Variants in NNT observed in about 807,000 individuals in gnomAD.
The protein encoded by NNT is NAD(P) transhydrogenase, mitochondrial.
A neutral mutation model predicts 104.8 loss-of-function variants in NNT; 50 were observed. The observed-to-expected ratio is 0.48, with a 90% CI of 0.38 to 0.60. The LOEUF (loss-of-function observed/expected upper bound fraction) is 0.60. Ranked by LOEUF, NNT falls within the 20% of genes least tolerant of loss-of-function variation. NNT has a pLI of 0.00. For synonymous variants in NNT, 461 were observed against 490.4 expected (o/e 0.94, Z 0.79); for missense variants, 1,131 against 1,330.7 (o/e 0.85, Z 2.33).
chr5:43,620,877 T>C (rs1056147103), intron 5 of NNT, among the ~76,000 whole-genome samples: 1 of 152,214 alleles, frequency 6.6e-6, no homozygotes, highest in Admixed American at 6.5e-5. Context: ...TCTTTCTAGA[T>C]ATATGTGGAA....
chr5:43,677,953 C>T (rs1741510020), intron 19 of NNT, 147 bp downstream of exon 19: 9 of 581,148 alleles, frequency 1.5e-5, no homozygotes, highest in Non-Finnish European at 2.4e-5. Context: ...TTTGACTCTC[C>T]AAAAACTTAC....
Position 43,659,073 on chromosome 5 carries a change from A to G in NNT, c.2455-98A>G. ...AGTGGAACTTATATGTAAATATATT[A>G]ATGGGAAAACTAGAATAATTAAGGA... is the stretch of plus-strand genomic sequence containing the variant. On this transcript the variant is annotated intron_variant, in intron 16 of 21. Coordinates refer to ENST00000344920, the MANE Select transcript of NNT (RefSeq NM_182977.3). 5.0e-6 allele frequency: 6 copies of G among 1,207,004 alleles called. No homozygotes were observed. In the South Asian group the frequency reaches 9.8e-5, roughly 20 times the overall value. The allele number at this position is 1,207,004 out of a possible 1,614,324, so 74.8% of individuals were successfully genotyped here. A position where few individuals can be genotyped will look rare whatever the true frequency, so the allele number is the denominator to read the frequency against.
chr5:43,704,293 T>A lies in NNT; in HGVS notation c.3150T>A (p.Ala1050=). ...AGAGGTCTTTGGGTGTTGGCTATGCTGCAGTGGACAATCCAATCTTCTACA... is the reference window on the plus strand; with the variant it reads ...AGAGGTCTTTGGGTGTTGGCTATGCAGCAGTGGACAATCCAATCTTCTACA... ...VMKRSLGVGY[A]AVDNPIFYKP... is the part of the protein sequence containing the mutation. Residue 1050 remains alanine, a synonymous_variant, in exon 22 of 22, where the codon GCT becomes GCA. Coordinates refer to ENST00000344920, the MANE Select transcript of NNT (RefSeq NM_182977.3). 9 of 1,604,118 alleles carry A rather than the reference T, an allele frequency of 5.6e-6. No individual in the cohort carries two copies. Among genetic ancestry groups the A allele is most frequent in the Non-Finnish European group, 7.7e-6 (9 of 1,176,190 alleles).
chr5:43,605,772 T>G (rs1749191499), intron 1 of NNT, among the ~76,000 whole-genome samples: 1 of 152,184 alleles, frequency 6.6e-6, no homozygotes, highest in Admixed American at 6.5e-5. Context: ...TTAGACTTAG[T>G]GATATGTATT....
In NNT at chr5:43,666,898, A is replaced by G. The variant is rs566111754; in HGVS notation, c.2634+7548A>G. 296 of 1,562,882 alleles carry G rather than the reference A, an allele frequency of 1.9e-4. 3 individuals carry two copies. In the Admixed American group the frequency reaches 4.8e-3, roughly 25 times the overall value. Reference sequence around the variant, plus strand: ...CCAGCACAGCCTGGGCCCCTTGGCAATACAGGCACAAACACGCTTCCCAAG... The same window carrying G: ...CCAGCACAGCCTGGGCCCCTTGGCAGTACAGGCACAAACACGCTTCCCAAG... On this transcript the variant is annotated intron_variant, in intron 17 of 21. Coordinates refer to ENST00000344920, the MANE Select transcript of NNT (RefSeq NM_182977.3).
intron 19 of NNT, among the ~76,000 whole-genome samples, chr5:43,697,377 A>G (rs961873232): frequency 2.6e-5 from 4 of 152,132 alleles, no homozygotes; most frequent in African/African-American, 9.7e-5. Flanking sequence ...CATTGTCCAT[A>G]ACGTTATCAG....
chr5:43,652,633 A>G (rs1156682358), intron 13 of NNT, among the ~76,000 whole-genome samples: 99 of 152,050 alleles, frequency 6.5e-4, no homozygotes, highest in Non-Finnish European at 7.4e-5. Flanking sequence ...AAAATATGCA[A>G]CTTCTTTAAG....
chr5:43,624,012 T>G lies in NNT; in HGVS notation c.688-20T>G, dbSNP rs779669302. The G allele has an allele frequency of 1.2e-6, 2 of 1,612,426 alleles. No homozygotes were observed. The highest frequency in any genetic ancestry group is 1.7e-6 in the Non-Finnish European group (2 of 1,178,474). ...TTAGTTGATAATGAGCCTTAACACATAACTGGGTCTGTCTTCTAGATTCTG... is the reference window on the plus strand; with the variant it reads ...TTAGTTGATAATGAGCCTTAACACAGAACTGGGTCTGTCTTCTAGATTCTG... On this transcript the variant is annotated intron_variant, in intron 5 of 21. Transcript: ENST00000344920.
intron 2 of NNT, among the ~76,000 whole-genome samples, chr5:43,611,808 T>C (rs552252049): frequency 2.6e-5 from 4 of 152,306 alleles, no homozygotes; most frequent in African/African-American, 9.6e-5. Flanking sequence ...ACAGATACTC[T>C]TCATTAAAAA....
intron 11 of NNT, among the ~76,000 whole-genome samples, chr5:43,650,053 A>T (rs550529321): frequency 2.9e-4 from 44 of 152,354 alleles, no homozygotes; most frequent in Middle Eastern, 3.4e-3. Flanking sequence ...AAAGCTAGGC[A>T]TCCCCAGCAG....
At chr5:43,666,069 C>T (rs904204449) in intron 17 of NNT, among the ~76,000 whole-genome samples, 3 of 151,758 alleles carry the variant, frequency 2.0e-5, no homozygotes, top group Non-Finnish European at 4.4e-5. Context: ...ACTTCCTAGA[C>T]CGGATGACGG....
intron 1 of NNT, among the ~76,000 whole-genome samples, chr5:43,604,740 C>T (rs951091577): frequency 2.0e-5 from 3 of 152,176 alleles, no homozygotes; most frequent in East Asian, 1.9e-4. Flanking sequence ...GGCACAATCA[C>T]GGCTTACTGC....
rs1248603906 is a variant in NNT at position 43,675,658 on chromosome 5, A to T, written c.2782A>T (p.Ile928Phe). The T allele has an allele frequency of 6.2e-7, 1 of 1,602,630 alleles. No individual in the cohort carries two copies. The highest frequency in any genetic ancestry group is 8.5e-7 in the Non-Finnish European group (1 of 1,175,374). Residue 928 changes from isoleucine (I) to phenylalanine (F), a missense_variant, in exon 18 of 22, where the codon ATT becomes TTT. Ile to Phe is a conservative substitution (Grantham distance 21). Coordinates refer to ENST00000344920, the MANE Select transcript of NNT (RefSeq NM_182977.3). ...IDMIREANSI[I>F]ITPGYGLCAA... ...CATGATTCGAGAAGCTAATAGCATT[A>T]TTATTACACCAGGTAAAGAAAAAAA...
At chr5:43,645,871 C>T (rs1307639778) in intron 10 of NNT, among the ~76,000 whole-genome samples, 3 of 151,042 alleles carry the variant, frequency 2.0e-5, no homozygotes, top group Non-Finnish European at 4.4e-5. Flanking sequence ...CCCACCACCA[C>T]CCCTGGGTAA....
chr5:43,654,732 A>T (rs544215413), intron 14 of NNT, among the ~76,000 whole-genome samples: 2 of 152,288 alleles, frequency 1.3e-5, no homozygotes, highest in East Asian at 3.9e-4. Context: ...AGCCACCTTT[A>T]TATCAGTTAA....
intron 17 of NNT, among the ~76,000 whole-genome samples, chr5:43,668,361 A>G (rs1470454927): frequency 7.9e-5 from 12 of 151,590 alleles, no homozygotes; most frequent in African/African-American, 2.4e-4. Context: ...TGCCATGCCT[A>G]TGTCCTGAAT....
intron 19 of NNT, among the ~76,000 whole-genome samples, chr5:43,682,868 G>A (rs1306031170): frequency 6.6e-6 from 1 of 152,176 alleles, no homozygotes; most frequent in African/African-American, 2.4e-5. Flanking sequence ...GACAACAGCT[G>A]AAAATTCCTG....
chr5:43,665,062 C>T (rs574349052), intron 17 of NNT, among the ~76,000 whole-genome samples: 31 of 151,942 alleles, frequency 2.0e-4, no homozygotes, highest in South Asian at 1.2e-3. Flanking sequence ...CCTTTTAAGC[C>T]GAGTTAGAAT....
chr5:43,677,308 C>T (rs1179914301), intron 18 of NNT, among the ~76,000 whole-genome samples: 2 of 151,740 alleles, frequency 1.3e-5, no homozygotes, highest in African/African-American at 4.8e-5. Flanking sequence ...AAAAACTATT[C>T]AAGGAACTAG....
Sources: allele counts gnomAD v4.1 joint callset (sites outside exome capture counted in the v4.1 genomes callset), GRCh38; gene constraint gnomAD v4.1.1; transcripts MANE v1.5; gene names NCBI Gene and HGNC (gene_info 2026-07-23, HGNC 2026-07-21).